HEPHL1: variants seen among roughly 807,000 people sequenced by gnomAD.
HEPHL1 encodes hephaestin like 1.
HEPHL1 carries 123 observed loss-of-function variants against 122.0 expected under a neutral mutation model. The ratio of observed to expected loss-of-function variants is 1.01; its 90% CI spans 0.87 to 1.17. The LOEUF (loss-of-function observed/expected upper bound fraction) is 1.17. Ranked by LOEUF, HEPHL1 falls within the 50% of genes most tolerant of loss-of-function variation. HEPHL1 has a pLI of 0.00. For missense variants in HEPHL1, 1,452 were observed against 1,430.5 expected (o/e 1.01, Z -0.24); for synonymous variants, 527 against 508.9 (o/e 1.04, Z -0.48).
In HEPHL1 at chr11:94,114,130, C is replaced by T. The variant is rs1946473121; in HGVS notation, c.*2236C>T. Among the ~76,000 whole-genome samples, 1 of 152,202 alleles carries T rather than the reference C, an allele frequency of 6.6e-6. No homozygotes were observed. The highest frequency in any genetic ancestry group is 2.4e-5 in the African/African-American group (1 of 41,446). ...TGGGTATCCATTTTTCCTCCTGCAT[C>T]TTTCTATGAAACCATCAGCAATGTC... On this transcript the variant is annotated 3_prime_UTR_variant, in exon 20 of 20. Coordinates refer to ENST00000315765, the MANE Select transcript of HEPHL1 (RefSeq NM_001098672.2).
At chr11:94,070,912 G>C (rs1591477370) in intron 6 of HEPHL1, among the ~76,000 whole-genome samples, 1 of 152,264 alleles carries the variant, frequency 6.6e-6, no homozygotes, top group East Asian at 1.9e-4. Context: ...AATGACAGGA[G>C]ATGGAGATGA....
intron 9 of HEPHL1, among the ~76,000 whole-genome samples, chr11:94,080,849 T>C (rs1164634145): frequency 6.6e-6 from 1 of 152,196 alleles, no homozygotes; most frequent in Non-Finnish European, 1.5e-5. Flanking sequence ...GGTGGGAATG[T>C]AAATTAGTTC....
chr11:94,109,292 T>C (rs1178546585), intron 17 of HEPHL1, among the ~76,000 whole-genome samples: 1 of 152,164 alleles, frequency 6.6e-6, no homozygotes, highest in Admixed American at 6.5e-5. Context: ...CAGACAATCA[T>C]GTTGTCTGTG....
At chr11:94,090,582 T>C (rs969315895) in intron 12 of HEPHL1, among the ~76,000 whole-genome samples, 1 of 152,248 alleles carries the variant, frequency 6.6e-6, no homozygotes, top group Middle Eastern at 3.4e-3. Context: ...CATACATAGA[T>C]GAAAGCAAAG....
At chr11:94,088,181 T>G (rs748045241) in intron 11 of HEPHL1, among the ~76,000 whole-genome samples, 1 of 152,268 alleles carries the variant, frequency 6.6e-6, no homozygotes, top group Non-Finnish European at 1.5e-5. Context: ...TTCTGTTTTC[T>G]GTTTCCTTTT....
chr11:94,029,572 C>G (rs929301235), intron 1 of HEPHL1, among the ~76,000 whole-genome samples: 1 of 152,198 alleles, frequency 6.6e-6, no homozygotes, highest in African/African-American at 2.4e-5. Flanking sequence ...GATTCCATTG[C>G]CCTGAAGTGG....
At position 94,106,145 on chromosome 11, in the gene HEPHL1, A is replaced by G; in HGVS notation, c.3045+15A>G. The G allele has an allele frequency of 1.3e-6, 2 of 1,525,698 alleles. No individual in the cohort carries two copies. The highest frequency in any genetic ancestry group is 1.8e-6 in the Non-Finnish European group (2 of 1,128,270). The allele number at this position is 1,525,698 out of a possible 1,614,324, so 94.5% of individuals were successfully genotyped here. ...TTCTTTTCAAAGTAAGTATAAGGAA[A>G]GTGCTTTGGGAAAGACGTTTTTGAA... On this transcript the variant is annotated intron_variant, in intron 17 of 19. Transcript: ENST00000315765.
At chr11:94,093,776 T>A in intron 13 of HEPHL1, 136 bp downstream of exon 13, 1 of 981,748 alleles carries the variant, frequency 1.0e-6, no homozygotes, top group East Asian at 2.6e-5. Flanking sequence ...CCAAGTGTAA[T>A]ATCTTCCTGC....
intron 12 of HEPHL1, among the ~76,000 whole-genome samples, chr11:94,090,499 A>C (rs1196726876): frequency 6.6e-6 from 1 of 151,588 alleles, no homozygotes; most frequent in Non-Finnish European, 1.5e-5. Flanking sequence ...TGACATAAGG[A>C]GATAAAATGT....
At position 94,035,855 on chromosome 11, in the gene HEPHL1, G is replaced by C. The variant is rs376398383; in HGVS notation, c.171-9818G>C. On this transcript the variant is annotated intron_variant, in intron 1 of 19. Transcript: ENST00000315765. ...GGGTTCACGCCATTCTCCTGACTCA[G>C]CCTCCTGAGTAGCTGGGACTACAGG... Among the ~76,000 whole-genome samples, 348 of 152,314 alleles carry C rather than the reference G, an allele frequency of 2.3e-3. 8 individuals are homozygous for C. The highest frequency in any genetic ancestry group is 0.014 in the Middle Eastern group (4 of 294).
At chr11:94,106,852 G>A (rs932513177) in intron 17 of HEPHL1, among the ~76,000 whole-genome samples, 2 of 152,064 alleles carry the variant, frequency 1.3e-5, no homozygotes, top group African/African-American at 4.8e-5. Flanking sequence ...ATCCAGTAAA[G>A]GAGCTATTTT....
chr11:94,046,891 A>G (rs903646578), intron 2 of HEPHL1, among the ~76,000 whole-genome samples: 1 of 152,214 alleles, frequency 6.6e-6, no homozygotes, highest in Non-Finnish European at 1.5e-5. Context: ...GACTGCTTCT[A>G]GGAAATGTGC....
intron 9 of HEPHL1, among the ~76,000 whole-genome samples, chr11:94,078,285 C>A (rs375554511): frequency 6.6e-6 from 1 of 151,870 alleles, no homozygotes; most frequent in South Asian, 2.1e-4. Flanking sequence ...TTAGAAAACT[C>A]ATTTTCCTTA....
At chr11:94,041,509 C>T (rs1219924832) in intron 1 of HEPHL1, among the ~76,000 whole-genome samples, 1 of 118,000 alleles carries the variant, frequency 8.5e-6, no homozygotes, top group Non-Finnish European at 1.8e-5. Flanking sequence ...CAGCATGGTA[C>T]TGGTACCAAA....
chr11:94,091,792 G>A (rs1946265148), intron 12 of HEPHL1, among the ~76,000 whole-genome samples: 1 of 152,182 alleles, frequency 6.6e-6, no homozygotes, highest in Non-Finnish European at 1.5e-5. Flanking sequence ...TCCACTTGAA[G>A]AGGAAGGAAG....
In HEPHL1 at chr11:94,075,395, T is replaced by A. The variant is rs375236236; in HGVS notation, c.1716+10T>A. The A allele has an allele frequency of 4.6e-5, 74 of 1,603,826 alleles. No homozygotes were observed. In the African/African-American group the frequency reaches 9.7e-4, roughly 21 times the overall value. ...TGCTGATGGGACACAGGTAGGCCAT[T>A]GAGTGTCACCAGTTCTTCTCAGGGT... is the stretch of plus-strand genomic sequence containing the variant. On this transcript the variant is annotated intron_variant, in intron 9 of 19. Transcript: ENST00000315765.
At chr11:94,070,008 A>C (rs1946061407) in intron 5 of HEPHL1, among the ~76,000 whole-genome samples, 2 of 152,288 alleles carry the variant, frequency 1.3e-5, no homozygotes, top group African/African-American at 4.8e-5. Flanking sequence ...CAATAGTATC[A>C]TTTGAAAACT....
intron 5 of HEPHL1, among the ~76,000 whole-genome samples, chr11:94,069,226 T>C (rs1946056399): frequency 1.3e-5 from 2 of 152,182 alleles, no homozygotes; most frequent in African/African-American, 4.8e-5. Context: ...ACAGTATTTC[T>C]AAATTGTCCA....
rs1209815114 is a variant in HEPHL1, at chr11:94,037,811, G to A, written c.171-7862G>A. On this transcript the variant is annotated intron_variant, in intron 1 of 19. Coordinates refer to ENST00000315765, the MANE Select transcript of HEPHL1 (RefSeq NM_001098672.2). ...AACTGGAAACTCTAAAACGCAGAGC[G>A]CCTCTCCTCCTCCAAAGGAACGCAG... Among the ~76,000 whole-genome samples, 4 of 151,838 alleles carry A rather than the reference G, an allele frequency of 2.6e-5. No homozygotes were observed. In the South Asian group the frequency reaches 6.2e-4, roughly 24 times the overall value.
Sources: allele counts gnomAD v4.1 joint callset (sites outside exome capture counted in the v4.1 genomes callset), GRCh38; gene constraint gnomAD v4.1.1; transcripts MANE v1.5; gene names NCBI Gene and HGNC (gene_info 2026-07-23, HGNC 2026-07-21).